The following BORCS5 variants were observed in gnomAD, a reference collection of about 807,000 sequenced individuals.
The protein encoded by BORCS5 is BLOC-1-related complex subunit 5.
In BORCS5, 17 loss-of-function variants were observed where a neutral mutation model predicts 22.1. The ratio of observed to expected loss-of-function variants is 0.77; its 90% CI spans 0.53 to 1.15. The LOEUF (loss-of-function observed/expected upper bound fraction) is 1.15. Among genes scored for constraint, BORCS5 ranks in the 50% most tolerant of loss-of-function variants. The pLI is 0.00. For missense variants in BORCS5, 247 were observed against 253.2 expected (o/e 0.98, Z 0.17); for synonymous variants, 117 against 99.8 (o/e 1.17, Z -1.03).
intron 1 of BORCS5, 108 bp downstream of exon 1, chr12:12,357,617 G>A (rs1863174002): frequency 1.1e-5 from 13 of 1,216,200 alleles, no homozygotes; most frequent in Non-Finnish European, 1.2e-5. Context: ...CACAGAAAAA[G>A]CCTTCACCGT....
intron 2 of BORCS5, among the ~76,000 whole-genome samples, chr12:12,392,386 G>A (rs1222635382): frequency 2.0e-5 from 3 of 152,050 alleles, no homozygotes; most frequent in Non-Finnish European, 2.9e-5. Flanking sequence ...GCACTCTCAT[G>A]AATTGCAGGA....
intron 2 of BORCS5, among the ~76,000 whole-genome samples, chr12:12,361,736 T>A (rs1441880919): frequency 1.3e-5 from 2 of 152,232 alleles, no homozygotes; most frequent in African/African-American, 4.8e-5. Flanking sequence ...CCCTGTTATA[T>A]TCCCATGGAA....
At chr12:12,436,560 G>A (rs376873466) in intron 3 of BORCS5, among the ~76,000 whole-genome samples, 89 of 152,288 alleles carry the variant, frequency 5.8e-4, no homozygotes, top group African/African-American at 2.0e-3. Context: ...GAAATGTTAG[G>A]AGCTGTTTAC....
In BORCS5 at chr12:12,357,580, T is replaced by C; in HGVS notation, c.58+71T>C. ...TTGCAGAGCGGGCTGCCTCCCAGAC[T>C]AGGGTCAGGGACTGCGGACGGGAAC... On this transcript the variant is annotated intron_variant, in intron 1 of 3. Transcript: ENST00000314565. The C allele has an allele frequency of 1.3e-6, 2 of 1,503,580 alleles. 1 individual carries two copies. Among genetic ancestry groups the C allele is most frequent in the South Asian group, 2.4e-5 (2 of 84,992 alleles). 93.1% of individuals were successfully genotyped at this position (1,503,580 alleles called of 1,614,324 possible). A position where few individuals can be genotyped will look rare whatever the true frequency, so the allele number is the denominator to read the frequency against.
intron 1 of BORCS5, 64 bp downstream of exon 1, chr12:12,357,573 C>G: frequency 6.5e-7 from 1 of 1,547,798 alleles, no homozygotes; most frequent in Non-Finnish European, 8.8e-7. Flanking sequence ...CGGGCTGCCT[C>G]CCAGACTAGG....
intron 3 of BORCS5, among the ~76,000 whole-genome samples, chr12:12,446,427 A>C (rs1942792591): frequency 6.6e-6 from 1 of 152,206 alleles, no homozygotes; most frequent in South Asian, 2.1e-4. Flanking sequence ...GAAATTTATC[A>C]GGTTATTTGA....
chr12:12,455,653 C>T (rs560428280), intron 3 of BORCS5, among the ~76,000 whole-genome samples: 1 of 152,178 alleles, frequency 6.6e-6, no homozygotes, highest in South Asian at 2.1e-4. Context: ...GTGGCACACA[C>T]CTGTAATCCC....
At chr12:12,365,344 CA>C (rs1246516440) in intron 2 of BORCS5, among the ~76,000 whole-genome samples, 1 of 149,778 alleles carries the variant, frequency 6.7e-6, no homozygotes, top group African/African-American at 2.4e-5. Context: ...AATTAAAATA[CA>C]TTTTTTTTTT....
chr12:12,470,063 T>G lies in BORCS5; in HGVS notation c.*4287T>G, dbSNP rs758357090. Among the ~76,000 whole-genome samples, 3 of 151,962 alleles carry G rather than the reference T, an allele frequency of 2.0e-5. No individual in the cohort carries two copies. The highest frequency in any genetic ancestry group is 4.4e-5 in the Non-Finnish European group (3 of 68,010). On this transcript the variant is annotated 3_prime_UTR_variant, in exon 4 of 4. Coordinates refer to ENST00000314565, the MANE Select transcript of BORCS5 (RefSeq NM_058169.6). ...TGAGCGGCGGATGAGCAGGTGAAGCTTCACGTGTTGTTGTTGTTGTTTATT... is the reference window on the plus strand; with the variant it reads ...TGAGCGGCGGATGAGCAGGTGAAGCGTCACGTGTTGTTGTTGTTGTTTATT...
Position 12,361,357 on chromosome 12 carries a change from A to G in BORCS5, c.202+8A>G. On this transcript the variant is annotated splice_region_variant and intron_variant, in intron 2 of 3. Transcript: ENST00000314565. ...TCCAGCCCCTTTTGAAAGGTAAAGG[A>G]TTGCGTTTTGTTTTATCTGAACTTG... 1 of 1,612,294 alleles carries G rather than the reference A, an allele frequency of 6.2e-7. No homozygotes were observed. Among genetic ancestry groups the G allele is most frequent in the Non-Finnish European group, 8.5e-7 (1 of 1,178,506 alleles).
chr12:12,375,930 G>C (rs922749047), intron 2 of BORCS5, among the ~76,000 whole-genome samples: 14 of 151,792 alleles, frequency 9.2e-5, no homozygotes, highest in Admixed American at 5.9e-4. Context: ...TCAGCCTCCC[G>C]AGTAGCTGGG....
chr12:12,386,299 C>A (rs1234723240), intron 2 of BORCS5, among the ~76,000 whole-genome samples: 1 of 149,998 alleles, frequency 6.7e-6, no homozygotes, highest in African/African-American at 2.5e-5. Flanking sequence ...CTGTGCCTGG[C>A]CCCCCATTTG....
chr12:12,408,106 C>G (rs989801061), intron 2 of BORCS5, among the ~76,000 whole-genome samples: 5 of 152,146 alleles, frequency 3.3e-5, no homozygotes, highest in Non-Finnish European at 7.3e-5. Flanking sequence ...TTTTCAGGTT[C>G]CATCTGTATT....
chr12:12,435,812 G>A (rs1184512532), intron 3 of BORCS5, 27 bp downstream of exon 3: 7 of 1,599,100 alleles, frequency 4.4e-6, no homozygotes, highest in Non-Finnish European at 6.0e-6. Context: ...AAATAACATT[G>A]CTGACTGGTT....
intron 2 of BORCS5, among the ~76,000 whole-genome samples, chr12:12,366,809 CTT>C (rs1445136263): frequency 6.6e-6 from 1 of 152,128 alleles, no homozygotes; most frequent in Non-Finnish European, 1.5e-5. Context: ...ATTATTCACT[CTT>C]AGTAGATGAA....
chr12:12,422,469 C>T (rs759449191), intron 2 of BORCS5, among the ~76,000 whole-genome samples: 13 of 152,030 alleles, frequency 8.6e-5, no homozygotes, highest in African/African-American at 2.7e-4. Flanking sequence ...CAAAAATTAG[C>T]CAGGCGTGGT....
chr12:12,400,751 C>G (rs1163436463), intron 2 of BORCS5, among the ~76,000 whole-genome samples: 2 of 152,128 alleles, frequency 1.3e-5, no homozygotes, highest in Non-Finnish European at 2.9e-5. Context: ...CCTGATATTC[C>G]CTCCTCCTCC....
Position 12,435,679 on chromosome 12 carries a change from A to G in BORCS5, c.254A>G (p.Asp85Gly). ...ACAAATGCCAAATTGGAGAAACTGG[A>G]CTCTCAGCAGGTGTTGCAGCTCTGC... ...SPTNAKLEKL[D>G]SQQVLQLCLR... Residue 85 changes from aspartate (D) to glycine (G), a missense_variant, in exon 3 of 4, where the codon GAC becomes GGC. Coordinates refer to ENST00000314565, the MANE Select transcript of BORCS5 (RefSeq NM_058169.6). 6.2e-7 allele frequency: 1 copy of G among 1,613,938 alleles called. No homozygotes were observed. Among genetic ancestry groups the G allele is most frequent in the African/African-American group, 1.3e-5 (1 of 74,972 alleles).
At chr12:12,365,117 C>G (rs1158921679) in intron 2 of BORCS5, among the ~76,000 whole-genome samples, 3 of 152,082 alleles carry the variant, frequency 2.0e-5, no homozygotes, top group African/African-American at 7.2e-5. Flanking sequence ...GTTTTTCCAC[C>G]TTTTTGAGCC....
Sources: gnomAD v4.1 joint callset for allele counts (sites outside exome capture counted in the v4.1 genomes callset) on GRCh38, gnomAD v4.1.1 for gene constraint, MANE v1.5 for transcripts, NCBI Gene and HGNC (gene_info 2026-07-23, HGNC 2026-07-21) for gene names.